RBFOX1: variants seen among roughly 807,000 people sequenced by gnomAD.
The protein encoded by RBFOX1 is RNA binding protein fox-1 homolog 1.
A neutral mutation model predicts 57.7 loss-of-function variants in RBFOX1; 8 were observed. The ratio of observed to expected loss-of-function variants is 0.14; its 90% CI spans 0.08 to 0.25. RBFOX1 has a LOEUF of 0.25. Ranked by LOEUF, RBFOX1 falls within the 10% of genes least tolerant of loss-of-function variation. The pLI is 1.00. For missense variants in RBFOX1, 611 were observed against 548.5 expected (o/e 1.11, Z -1.14); for synonymous variants, 326 against 222.4 (o/e 1.47, Z -4.15).
intron 1 of RBFOX1, among the ~76,000 whole-genome samples, chr16:6,141,392 T>C (rs986144384): frequency 2.6e-5 from 4 of 152,214 alleles, no homozygotes; most frequent in African/African-American, 9.6e-5. Context: ...AGATTGTCTT[T>C]GATTTCTGCT....
chr16:7,287,668 A>G (rs1290711159), intron 4 of RBFOX1, among the ~76,000 whole-genome samples: 1 of 151,982 alleles, frequency 6.6e-6, no homozygotes. Context: ...ATTTTGAAAA[A>G]TGATAAAAGT....
At chr16:7,392,753 T>C (rs573636323) in intron 4 of RBFOX1, among the ~76,000 whole-genome samples, 10 of 152,340 alleles carry the variant, frequency 6.6e-5, no homozygotes, top group African/African-American at 2.4e-4. Context: ...TGGTCATTGC[T>C]GAATCTAAGG....
At chr16:5,869,344 G>A (rs1018194740) in intron 4 of RBFOX1, among the ~76,000 whole-genome samples, 2 of 152,106 alleles carry the variant, frequency 1.3e-5, no homozygotes, top group African/African-American at 4.8e-5. Flanking sequence ...TTATTTGGCA[G>A]TTTAAAACAA....
At chr16:6,748,387 A>G (rs1354558977) in intron 3 of RBFOX1, among the ~76,000 whole-genome samples, 1 of 152,128 alleles carries the variant, frequency 6.6e-6, no homozygotes, top group Admixed American at 6.6e-5. Context: ...TGGGGTGGGC[A>G]CTGTGGCTCA....
At chr16:5,943,370 G>A (rs896688113) in intron 4 of RBFOX1, among the ~76,000 whole-genome samples, 2 of 152,168 alleles carry the variant, frequency 1.3e-5, no homozygotes, top group African/African-American at 2.4e-5. Flanking sequence ...TTGATACCAA[G>A]CCTTGTAGGG....
At chr16:6,142,690 A>G (rs2096728170) in intron 1 of RBFOX1, among the ~76,000 whole-genome samples, 1 of 152,230 alleles carries the variant, frequency 6.6e-6, no homozygotes, top group Admixed American at 6.5e-5. Context: ...TGAGTGAATG[A>G]GGAATCCATT....
intron 3 of RBFOX1, among the ~76,000 whole-genome samples, chr16:6,841,759 C>T (rs1389867236): frequency 6.6e-6 from 1 of 152,060 alleles, no homozygotes; most frequent in Non-Finnish European, 1.5e-5. Context: ...TAAACCTGGA[C>T]CATGCAGCTT....
chr16:6,074,697 T>C (rs2095875291), intron 1 of RBFOX1, among the ~76,000 whole-genome samples: 1 of 152,008 alleles, frequency 6.6e-6, no homozygotes, highest in Non-Finnish European at 1.5e-5. Context: ...ACAGCAGAGG[T>C]AAGGGAGGAT....
chr16:7,255,130 G>C (rs1057371564), intron 4 of RBFOX1, among the ~76,000 whole-genome samples: 1 of 152,010 alleles, frequency 6.6e-6, no homozygotes, highest in Non-Finnish European at 1.5e-5. Context: ...CCCCATCTCC[G>C]ATCTTTGCAA....
intron 2 of RBFOX1, among the ~76,000 whole-genome samples, chr16:5,502,995 C>G (rs1046323670): frequency 2.0e-5 from 3 of 152,214 alleles, no homozygotes; most frequent in Non-Finnish European, 2.9e-5. Flanking sequence ...CAATACACAT[C>G]TCTCCTAAAA....
intron 2 of RBFOX1, chr16:6,483,096 C>A: frequency 1.0e-6 from 1 of 1,004,062 alleles, no homozygotes; most frequent in Non-Finnish European, 1.2e-6. Context: ...CCCGTAGGGG[C>A]GGGACCCACG....
At chr16:6,992,378 C>A (rs1293563394) in intron 3 of RBFOX1, among the ~76,000 whole-genome samples, 1 of 151,996 alleles carries the variant, frequency 6.6e-6, no homozygotes, top group Non-Finnish European at 1.5e-5. Context: ...CCACCATGCC[C>A]AGCTAATTTT....
intron 2 of RBFOX1, among the ~76,000 whole-genome samples, chr16:6,411,777 G>A (rs1258104782): frequency 6.6e-6 from 1 of 152,204 alleles, no homozygotes; most frequent in African/African-American, 2.4e-5. Flanking sequence ...TAACAAGTCA[G>A]CCCTGTACAG....
At chr16:7,658,736 T>C (rs1382698408) in intron 12 of RBFOX1, among the ~76,000 whole-genome samples, 2 of 152,170 alleles carry the variant, frequency 1.3e-5, no homozygotes, top group Admixed American at 1.3e-4. Context: ...TCACATGAGT[T>C]ATTTTTGAGA....
chr16:7,417,946 A>G (rs1299657902), intron 4 of RBFOX1, among the ~76,000 whole-genome samples: 1 of 152,084 alleles, frequency 6.6e-6, no homozygotes, highest in Non-Finnish European at 1.5e-5. Flanking sequence ...TGTTGGCCCT[A>G]GTATGCAGCC....
At position 6,842,194 on chromosome 16, in the gene RBFOX1, G is replaced by C. The variant is rs184541882; in HGVS notation, c.-16+187544G>C. On this transcript the variant is annotated intron_variant, in intron 3 of 15. Transcript: ENST00000550418. ...AATAAATAAATAAATAAATAAATTGGAACTGAGTGTTAGCTATTTGAGTAG... is the reference window on the plus strand; with the variant it reads ...AATAAATAAATAAATAAATAAATTGCAACTGAGTGTTAGCTATTTGAGTAG... 3.1e-4 allele frequency among the ~76,000 whole-genome samples: 47 copies of C among 150,352 alleles called. 1 individual carries two copies. The highest frequency in any genetic ancestry group is 5.0e-4 in the Non-Finnish European group (34 of 67,546).
rs1024803373 is a variant in RBFOX1 at position 7,384,370 on chromosome 16, A to G, written c.28-133777A>G. Among the ~76,000 whole-genome samples, 7 of 152,298 alleles carry G rather than the reference A, an allele frequency of 4.6e-5. No homozygotes were observed. In the South Asian group the frequency reaches 8.3e-4, roughly 18 times the overall value. ...ACGAGGAATATATAGCTCAGGTGCA[A>G]CAGGCACCTTTATATTTATACCATT... On this transcript the variant is annotated intron_variant, in intron 4 of 15. Coordinates refer to ENST00000550418, the MANE Select transcript of RBFOX1 (RefSeq NM_018723.4).
chr16:5,886,105 C>T (rs1956022136), intron 4 of RBFOX1, among the ~76,000 whole-genome samples: 1 of 152,196 alleles, frequency 6.6e-6, no homozygotes, highest in Non-Finnish European at 1.5e-5. Context: ...CTGCCATGGT[C>T]ATAAGCTTCC....
At chr16:6,307,114 T>TA (rs1265512312) in intron 1 of RBFOX1, among the ~76,000 whole-genome samples, 7 of 152,336 alleles carry the variant, frequency 4.6e-5, no homozygotes, top group African/African-American at 1.7e-4. Context: ...TGCTGTTGAC[T>TA]AGTGGTAAAA....
Sources: allele counts gnomAD v4.1 joint callset (sites outside exome capture counted in the v4.1 genomes callset), GRCh38; gene constraint gnomAD v4.1.1; transcripts MANE v1.5; gene names NCBI Gene and HGNC (gene_info 2026-07-23, HGNC 2026-07-21).